Variants in RUFY3 observed in about 807,000 individuals in gnomAD.
RUFY3 encodes the protein protein RUFY3.
RUFY3 carries 34 observed loss-of-function variants against 84.0 expected under a neutral mutation model. That is an observed-to-expected ratio of 0.40 (90% confidence interval 0.31 to 0.54). The LOEUF (loss-of-function observed/expected upper bound fraction) is 0.54. Among genes scored for constraint, RUFY3 ranks in the 20% least tolerant of loss-of-function variants. The pLI is 0.39. For synonymous variants in RUFY3, 242 were observed against 252.9 expected, an observed-to-expected ratio of 0.96 and a Z score of 0.41; for missense variants, 507 against 736.8, an observed-to-expected ratio of 0.69 and a Z score of 3.61.
intron 1 of RUFY3, among the ~76,000 whole-genome samples, chr4:70,736,609 T>C (rs1720349013): frequency 6.6e-6 from 1 of 152,110 alleles, no homozygotes. Context: ...TTTGCTCTTA[T>C]TGTCTGGGCT....
At chr4:70,804,094 T>C (rs1321188234) in intron 16 of RUFY3, among the ~76,000 whole-genome samples, 1 of 152,108 alleles carries the variant, frequency 6.6e-6, no homozygotes, top group Non-Finnish European at 1.5e-5. Context: ...GTGTTAAAAC[T>C]TTTTACTCTA....
At chr4:70,746,607 C>A (rs146605013) in intron 1 of RUFY3, among the ~76,000 whole-genome samples, 3 of 151,526 alleles carry the variant, frequency 2.0e-5, no homozygotes, top group African/African-American at 7.3e-5. Context: ...TAAATGGTTA[C>A]GTATAAGAAC....
intron 1 of RUFY3, among the ~76,000 whole-genome samples, chr4:70,736,851 C>T (rs564411662): frequency 2.0e-5 from 3 of 152,264 alleles, no homozygotes; most frequent in South Asian, 2.1e-4. Flanking sequence ...GTATTACAGG[C>T]GTGAGCCACT....
intron 1 of RUFY3, among the ~76,000 whole-genome samples, chr4:70,750,948 G>A (rs897479095): frequency 1.3e-5 from 2 of 152,134 alleles, no homozygotes; most frequent in Admixed American, 6.5e-5. Flanking sequence ...TAATAATATT[G>A]TATGGGCATA....
chr4:70,710,898 A>G (rs1478879944), intron 1 of RUFY3, among the ~76,000 whole-genome samples: 1 of 151,252 alleles, frequency 6.6e-6, no homozygotes, highest in African/African-American at 2.4e-5. Context: ...CCCCGTCTCT[A>G]CTAAAAATAC....
intron 12 of RUFY3, chr4:70,792,846 CTTATT>C: frequency 2.0e-6 from 2 of 985,356 alleles, no homozygotes; most frequent in Non-Finnish European, 2.4e-6. Context: ...TGCTCTTGAA[CTTATT>C]TTAATTCTTA....
At chr4:70,724,400 C>A (rs1022007016) in intron 1 of RUFY3, among the ~76,000 whole-genome samples, 2 of 152,122 alleles carry the variant, frequency 1.3e-5, no homozygotes, top group Admixed American at 6.6e-5. Context: ...TAATTTTTAA[C>A]AATTTTAACA....
chr4:70,783,074 TA>T lies in RUFY3; in HGVS notation c.895-13del. ...TTTTAAAAAGATAAAAGATTATTTT[TA>T]AAATTTTATCCACAGCTTGCAGTTG... On this transcript the variant is annotated splice_polypyrimidine_tract_variant and intron_variant, in intron 8 of 17. Coordinates refer to ENST00000381006, the MANE Select transcript of RUFY3 (RefSeq NM_001037442.4). The T allele has an allele frequency of 1.3e-6, 2 of 1,496,592 alleles. No individual in the cohort carries two copies. Among genetic ancestry groups the T allele is most frequent in the Non-Finnish European group, 1.8e-6 (2 of 1,091,250 alleles). 92.7% of individuals were successfully genotyped at this position (1,496,592 alleles called of 1,614,324 possible).
At chr4:70,731,040 CTTTT>C (rs1321175989) in intron 1 of RUFY3, among the ~76,000 whole-genome samples, 2 of 141,468 alleles carry the variant, frequency 1.4e-5, no homozygotes, top group Admixed American at 7.1e-5. Context: ...TGATTGCCAT[CTTTT>C]TTTTTTTTTT....
intron 6 of RUFY3, among the ~76,000 whole-genome samples, chr4:70,774,258 G>T (rs1476054905): frequency 6.6e-6 from 1 of 151,964 alleles, no homozygotes; most frequent in Admixed American, 6.6e-5. Context: ...GTCTACTACA[G>T]ATTAGTTGGT....
chr4:70,752,081 T>C (rs1295101420), intron 1 of RUFY3, among the ~76,000 whole-genome samples: 2 of 152,192 alleles, frequency 1.3e-5, no homozygotes, highest in East Asian at 3.8e-4. Context: ...GCGCCCAGCC[T>C]GATCTTTTAA....
intron 1 of RUFY3, among the ~76,000 whole-genome samples, chr4:70,727,039 C>CTTTT (rs1242842461): frequency 6.2e-5 from 7 of 113,300 alleles, no homozygotes; most frequent in African/African-American, 2.2e-4. Flanking sequence ...GATTTCTTTC[C>CTTTT]TTTTTTTTTT....
intron 1 of RUFY3, among the ~76,000 whole-genome samples, chr4:70,732,330 C>T (rs532731430): frequency 6.6e-6 from 1 of 152,276 alleles, no homozygotes; most frequent in South Asian, 2.1e-4. Context: ...TCAGAAGGCC[C>T]CATGGTACTG....
intron 12 of RUFY3, among the ~76,000 whole-genome samples, chr4:70,790,693 G>A (rs576976015): frequency 4.5e-4 from 69 of 152,240 alleles, no homozygotes; most frequent in African/African-American, 1.6e-3. Context: ...CCTCCGATGC[G>A]AGTGTAAGCT....
chr4:70,806,305 A>G (rs1445461755), intron 17 of RUFY3, among the ~76,000 whole-genome samples: 1 of 152,190 alleles, frequency 6.6e-6, no homozygotes, highest in African/African-American at 2.4e-5. Context: ...TTTTAACTCT[A>G]TGGCACTGCT....
intron 1 of RUFY3, among the ~76,000 whole-genome samples, chr4:70,727,084 T>C (rs1577964605): frequency 6.7e-6 from 1 of 148,620 alleles, no homozygotes; most frequent in Non-Finnish European, 1.5e-5. Flanking sequence ...TGGAAGTAAG[T>C]GGAATTTCAA....
At chr4:70,712,716 T>C (rs1452245542) in intron 1 of RUFY3, among the ~76,000 whole-genome samples, 1 of 152,226 alleles carries the variant, frequency 6.6e-6, no homozygotes, top group Non-Finnish European at 1.5e-5. Flanking sequence ...ATAATTTTTT[T>C]GTTGGCAATA....
chr4:70,755,867 C>T (rs1485675935), intron 1 of RUFY3, among the ~76,000 whole-genome samples: 2 of 151,354 alleles, frequency 1.3e-5, no homozygotes, highest in South Asian at 2.1e-4. Flanking sequence ...AGGAGAATGG[C>T]GTGAACCTGG....
At chr4:70,803,444 AC>A (rs986489000) in intron 16 of RUFY3, among the ~76,000 whole-genome samples, 3 of 149,642 alleles carry the variant, frequency 2.0e-5, no homozygotes, top group African/African-American at 7.5e-5. Flanking sequence ...AATAAGTCCT[AC>A]TGCTTTCCTT....
Sources: gnomAD v4.1 joint callset for allele counts (sites outside exome capture counted in the v4.1 genomes callset) on GRCh38, gnomAD v4.1.1 for gene constraint, MANE v1.5 for transcripts, NCBI Gene and HGNC (gene_info 2026-07-23, HGNC 2026-07-21) for gene names.